The following STXBP6 variants were observed in gnomAD, a reference collection of about 807,000 sequenced individuals.
STXBP6 encodes the protein syntaxin binding protein 6.
A neutral mutation model predicts 26.9 loss-of-function variants in STXBP6; 21 were observed. The observed-to-expected ratio is 0.78, with a 90% CI of 0.55 to 1.12. The LOEUF (loss-of-function observed/expected upper bound fraction) is 1.12, where lower values mean the gene tolerates loss of function less well. Ranked by LOEUF, STXBP6 falls within the 50% of genes most tolerant of loss-of-function variation. The pLI is 0.00. For missense variants in STXBP6, 232 were observed against 257.9 expected, an observed-to-expected ratio of 0.90 and a Z score of 0.69; for synonymous variants, 97 against 92.6, an observed-to-expected ratio of 1.05 and a Z score of -0.27.
At chr14:24,989,808 G>A (rs1241112429) in intron 1 of STXBP6, among the ~76,000 whole-genome samples, 2 of 152,232 alleles carry the variant, frequency 1.3e-5, no homozygotes, top group Non-Finnish European at 2.9e-5. Flanking sequence ...CAGGTATGAC[G>A]TGTCTTTCTC....
chr14:24,921,236 A>C (rs1374354302), intron 2 of STXBP6, among the ~76,000 whole-genome samples: 1 of 152,160 alleles, frequency 6.6e-6, no homozygotes, highest in African/African-American at 2.4e-5. Context: ...ATTTCAATGA[A>C]AGCTAATAAT....
intron 1 of STXBP6, among the ~76,000 whole-genome samples, chr14:25,000,488 G>A (rs914591464): frequency 6.6e-6 from 1 of 150,722 alleles, no homozygotes; most frequent in African/African-American, 2.4e-5. Flanking sequence ...AAGTTTCTCT[G>A]TGACCTCCTC....
chr14:24,823,880 G>C (rs2068210637), intron 4 of STXBP6, among the ~76,000 whole-genome samples: 1 of 152,152 alleles, frequency 6.6e-6, no homozygotes, highest in Admixed American at 6.6e-5. Context: ...TATTTAATCT[G>C]TTTATAGGCC....
intron 2 of STXBP6, among the ~76,000 whole-genome samples, chr14:24,912,160 A>G (rs1371253591): frequency 6.6e-6 from 1 of 152,208 alleles, no homozygotes; most frequent in Non-Finnish European, 1.5e-5. Context: ...CCCAATCTGA[A>G]CAAGGAATTC....
chr14:24,921,224 A>C (rs1400464849), intron 2 of STXBP6, among the ~76,000 whole-genome samples: 1 of 152,194 alleles, frequency 6.6e-6, no homozygotes, highest in Non-Finnish European at 1.5e-5. Context: ...TAGTACATAC[A>C]AATTTCAATG....
In STXBP6 at chr14:24,820,250, T is replaced by C. The variant is rs539257322; in HGVS notation, c.452-1056A>G. Among the ~76,000 whole-genome samples the C allele has an allele frequency of 5.1e-4, 77 of 152,330 alleles. 1 individual carries two copies. The South Asian group carries it at 0.016, about 31-fold the overall frequency. On this transcript the variant is annotated intron_variant, in intron 4 of 5. Coordinates refer to ENST00000323944, the MANE Select transcript of STXBP6 (RefSeq NM_001394410.1). ...TGGGATGGATACATCTAGCCACAGA[T>C]AGCTTTTAATAGAAACGCAATTTCC... is the stretch of plus-strand genomic sequence containing the variant.
At chr14:24,980,561 A>G (rs2074163022) in intron 1 of STXBP6, among the ~76,000 whole-genome samples, 1 of 152,242 alleles carries the variant, frequency 6.6e-6, no homozygotes, top group South Asian at 2.1e-4. Flanking sequence ...TAATCTGGTG[A>G]CAACATTTGA....
intron 1 of STXBP6, among the ~76,000 whole-genome samples, chr14:25,008,279 G>A (rs2074949940): frequency 6.6e-6 from 1 of 152,166 alleles, no homozygotes. Flanking sequence ...GAAGGTGGGA[G>A]GATCGCTTGA....
At chr14:24,838,667 G>GA (rs1004317633) in intron 4 of STXBP6, among the ~76,000 whole-genome samples, 21 of 151,492 alleles carry the variant, frequency 1.4e-4, no homozygotes, top group African/African-American at 3.9e-4. Flanking sequence ...CTGGGTGACA[G>GA]ATCGAGATCC....
At chr14:24,882,377 T>C (rs1375482032) in intron 2 of STXBP6, among the ~76,000 whole-genome samples, 481 of 12,966 alleles carry the variant, frequency 0.037, 8 homozygotes, top group African/African-American at 0.16. Context: ...AGACTCCGTC[T>C]CAAAAAAAAA....
intron 1 of STXBP6, among the ~76,000 whole-genome samples, chr14:25,016,413 A>G (rs899757357): frequency 2.0e-5 from 3 of 152,172 alleles, no homozygotes; most frequent in African/African-American, 7.2e-5. Flanking sequence ...GAACCTAGAA[A>G]GAATCACAGT....
intron 2 of STXBP6, among the ~76,000 whole-genome samples, chr14:24,913,662 T>C (rs1339968181): frequency 3.3e-5 from 5 of 152,196 alleles, no homozygotes; most frequent in African/African-American, 1.2e-4. Flanking sequence ...AAATAGTCAA[T>C]TTGAAAAGTG....
intron 1 of STXBP6, among the ~76,000 whole-genome samples, chr14:25,022,009 G>C (rs1322463358): frequency 6.6e-6 from 1 of 152,138 alleles, no homozygotes; most frequent in Non-Finnish European, 1.5e-5. Context: ...ACTAGAACAA[G>C]TTACTCAGCT....
chr14:24,845,259 A>G (rs188106081), intron 4 of STXBP6, among the ~76,000 whole-genome samples: 3 of 152,120 alleles, frequency 2.0e-5, no homozygotes, highest in East Asian at 1.9e-4. Context: ...TGATCTGCCC[A>G]CCTTGGCCTC....
chr14:24,870,620 G>A (rs567391372), intron 2 of STXBP6, among the ~76,000 whole-genome samples: 3 of 152,202 alleles, frequency 2.0e-5, no homozygotes, highest in African/African-American at 7.2e-5. Flanking sequence ...CTTAAAAAGC[G>A]TGACAAGAAA....
chr14:24,835,338 T>C (rs957936158), intron 4 of STXBP6, among the ~76,000 whole-genome samples: 4 of 106,558 alleles, frequency 3.8e-5, no homozygotes, highest in African/African-American at 2.0e-4. Context: ...TATTGCACCA[T>C]AATTGAGTGT....
intron 1 of STXBP6, among the ~76,000 whole-genome samples, chr14:24,990,385 G>A (rs1432785447): frequency 2.6e-5 from 4 of 152,278 alleles, no homozygotes; most frequent in Non-Finnish European, 1.5e-5. Flanking sequence ...TGCGCCGCGC[G>A]CAGTGGCTCA....
rs186355378 is a variant in STXBP6 at position 25,049,156 on chromosome 14, C to T, written c.-33+722G>A. The T allele has an allele frequency of 1.0e-4, 103 of 985,296 alleles. No individual in the cohort carries two copies. The highest frequency in any genetic ancestry group is 6.8e-4 in the East Asian group (6 of 8,800). 61.0% of individuals were successfully genotyped at this position (985,296 alleles called of 1,614,324 possible). On this transcript the variant is annotated intron_variant, in intron 1 of 5. Coordinates refer to ENST00000323944, the MANE Select transcript of STXBP6 (RefSeq NM_001394410.1). This position sits in a 1 kb window ranked among gnomAD's most constrained non-coding sequence, Gnocchi z 5.6. ...TGAACGGGGTGGGGTGGTGAGGTGG[C>T]GGGGTGTTGTAAACCTGAGGAAAGG... is the stretch of plus-strand genomic sequence containing the variant.
chr14:24,938,595 GAAAA>G (rs75008425), intron 2 of STXBP6, among the ~76,000 whole-genome samples: 8 of 116,646 alleles, frequency 6.9e-5, no homozygotes, highest in African/African-American at 2.5e-4. Context: ...GAAAAACCAG[GAAAA>G]AAAAAAAAAG....
Sources: gnomAD v4.1 joint callset for allele counts (sites outside exome capture counted in the v4.1 genomes callset) on GRCh38, gnomAD v4.1.1 for gene constraint, Gnocchi (gnomAD v3.1) non-coding constraint, MANE v1.5 for transcripts, NCBI Gene and HGNC (gene_info 2026-07-23, HGNC 2026-07-21) for gene names.